Variants in LHFPL3 observed in about 807,000 individuals in gnomAD.
LHFPL3 encodes the protein LHFPL tetraspan subfamily member 3.
LHFPL3 carries 5 observed loss-of-function variants against 19.3 expected under a neutral mutation model. That is an observed-to-expected ratio of 0.26 (90% CI 0.14 to 0.54). LHFPL3 has a LOEUF of 0.54. LHFPL3 is among the 20% of genes least tolerant of loss of function. The probability of loss-of-function intolerance (pLI) is 0.94; values close to 1 mark genes in which losing one functional copy is unlikely to be tolerated. For missense variants in LHFPL3, 249 were observed against 307.4 expected (o/e 0.81, Z 1.42); for synonymous variants, 133 against 126.2 (o/e 1.05, Z -0.36).
rs541482240 is a variant in LHFPL3, at chr7:104,837,998, G to C, written c.683-68189G>C. On this transcript the variant is annotated intron_variant, in intron 2 of 2. Transcript: ENST00000424859. ...CAAACAATTATAACCTTGTTAACCA[G>C]AAGTCTTACCCACTCTACTTAGACT... 6.6e-5 allele frequency among the ~76,000 whole-genome samples: 10 copies of C among 152,252 alleles called. No homozygotes were observed. In the South Asian group the frequency reaches 1.9e-3, roughly 28 times the overall value.
At chr7:104,361,473 CT>C (rs1790390401) in intron 1 of LHFPL3, among the ~76,000 whole-genome samples, 1 of 152,094 alleles carries the variant, frequency 6.6e-6, no homozygotes, top group Non-Finnish European at 1.5e-5. Context: ...TTCTAAATTG[CT>C]TTTGAACTTT....
chr7:104,552,901 A>G, intron 1 of LHFPL3, among the ~76,000 whole-genome samples: 1 of 152,096 alleles, frequency 6.6e-6, no homozygotes, highest in East Asian at 1.9e-4. Flanking sequence ...TCTGCCTTTT[A>G]CTAGTTGTGT....
At chr7:104,645,654 CTTT>C (rs869151153) in intron 1 of LHFPL3, among the ~76,000 whole-genome samples, 3 of 81,618 alleles carry the variant, frequency 3.7e-5, no homozygotes, top group African/African-American at 5.1e-5. Flanking sequence ...ATTGGGTTTT[CTTT>C]TTTTTTTTTT....
chr7:104,583,559 C>T (rs4730024), intron 1 of LHFPL3, among the ~76,000 whole-genome samples: 20,413 of 152,188 alleles, frequency 0.13, 1,429 homozygotes, highest in Non-Finnish European at 0.14. Context: ...GCAACCTACT[C>T]ATCTGACAAA....
At chr7:104,664,426 T>A (rs1328838310) in intron 1 of LHFPL3, among the ~76,000 whole-genome samples, 1 of 152,228 alleles carries the variant, frequency 6.6e-6, no homozygotes, top group East Asian at 1.9e-4. Context: ...TTCTTTCTCA[T>A]TCTTTCAGGT....
intron 1 of LHFPL3, among the ~76,000 whole-genome samples, chr7:104,520,148 T>C (rs1461992818): frequency 4.6e-5 from 7 of 152,206 alleles, no homozygotes; most frequent in Non-Finnish European, 1.0e-4. Context: ...TGAGAGTTTT[T>C]AGCATGAAGG....
At chr7:104,389,846 T>C (rs1182376306) in intron 1 of LHFPL3, among the ~76,000 whole-genome samples, 1 of 152,134 alleles carries the variant, frequency 6.6e-6, no homozygotes, top group Non-Finnish European at 1.5e-5. Context: ...ACCTACCTCA[T>C]ACCATATATA....
intron 1 of LHFPL3, among the ~76,000 whole-genome samples, chr7:104,608,067 C>A (rs1307464145): frequency 6.6e-6 from 1 of 152,126 alleles, no homozygotes; most frequent in African/African-American, 2.4e-5. Flanking sequence ...ACTAGTTCAA[C>A]CATTGTGGAA....
At chr7:104,401,326 T>G (rs1202194385) in intron 1 of LHFPL3, among the ~76,000 whole-genome samples, 1 of 152,238 alleles carries the variant, frequency 6.6e-6, no homozygotes, top group African/African-American at 2.4e-5. Context: ...TTTTAAAGGC[T>G]ATAGCTGACC....
rs573986215 is a variant in LHFPL3 at position 104,563,537 on chromosome 7, C to T, written c.446-173138C>T. Among the ~76,000 whole-genome samples the T allele has an allele frequency of 2.0e-3, 274 of 135,188 alleles. 2 individuals carry two copies. Among genetic ancestry groups the T allele is most frequent in the African/African-American group, 6.6e-3 (238 of 36,332 alleles). 88.7% of individuals were successfully genotyped at this position (135,188 alleles called of 152,430 possible). On this transcript the variant is annotated intron_variant, in intron 1 of 2. Coordinates refer to ENST00000424859, the MANE Select transcript of LHFPL3 (RefSeq NM_199000.3). ...AGGGAGGCAATGCCTCGCCCTGCTT[C>T]GGCTCGCGCACGGTGCACGCACCCA...
intron 1 of LHFPL3, among the ~76,000 whole-genome samples, chr7:104,557,836 A>G (rs956700777): frequency 1.1e-4 from 10 of 91,942 alleles, no homozygotes; most frequent in African/African-American, 4.2e-4. Flanking sequence ...CACTCCCCCC[A>G]CCCCACCACA....
intron 1 of LHFPL3, among the ~76,000 whole-genome samples, chr7:104,543,595 A>T (rs1381814647): frequency 6.6e-6 from 1 of 151,834 alleles, no homozygotes; most frequent in Non-Finnish European, 1.5e-5. Context: ...TAAAAAATGA[A>T]GAGTTCATGT....
chr7:104,767,654 T>C (rs1411958954), intron 2 of LHFPL3, among the ~76,000 whole-genome samples: 1 of 152,148 alleles, frequency 6.6e-6, no homozygotes, highest in African/African-American at 2.4e-5. Context: ...TTAAACCCAA[T>C]CTTGCAACTT....
chr7:104,854,461 A>T (rs1056805448), intron 2 of LHFPL3, among the ~76,000 whole-genome samples: 1 of 152,224 alleles, frequency 6.6e-6, no homozygotes, highest in African/African-American at 2.4e-5. Flanking sequence ...CAAAATAATC[A>T]GCTCAAAATT....
intron 1 of LHFPL3, among the ~76,000 whole-genome samples, chr7:104,420,123 C>G (rs1791698174): frequency 6.6e-6 from 1 of 152,198 alleles, no homozygotes; most frequent in Non-Finnish European, 1.5e-5. Context: ...TTGGCCAAGC[C>G]TTACTAGTCC....
At chr7:104,479,254 G>C (rs570871689) in intron 1 of LHFPL3, among the ~76,000 whole-genome samples, 1 of 152,234 alleles carries the variant, frequency 6.6e-6, no homozygotes, top group African/African-American at 2.4e-5. Context: ...ACTTTCATAG[G>C]ATTTATTGTT....
intron 1 of LHFPL3, among the ~76,000 whole-genome samples, chr7:104,378,178 G>C (rs1053139157): frequency 6.6e-6 from 1 of 152,130 alleles, no homozygotes; most frequent in African/African-American, 2.4e-5. Flanking sequence ...CCTTAATACA[G>C]GTATACAATA....
At chr7:104,804,616 T>G (rs190432801) in intron 2 of LHFPL3, among the ~76,000 whole-genome samples, 5 of 152,338 alleles carry the variant, frequency 3.3e-5, no homozygotes, top group Admixed American at 1.3e-4. Flanking sequence ...TATTGCCTTC[T>G]CAGCTTGCAT....
chr7:104,832,242 G>T lies in LHFPL3; in HGVS notation c.683-73945G>T, dbSNP rs190039634. Among the ~76,000 whole-genome samples the T allele has an allele frequency of 3.9e-5, 6 of 152,038 alleles. 1 individual carries two copies. Among genetic ancestry groups the T allele is most frequent in the African/African-American group, 9.7e-5 (4 of 41,338 alleles). ...CTTTATGGTGGAAAAATCTAAAGTTGGTTGGGTTGTCTATCAATCATTCTA... is the reference window on the plus strand; with the variant it reads ...CTTTATGGTGGAAAAATCTAAAGTTTGTTGGGTTGTCTATCAATCATTCTA... On this transcript the variant is annotated intron_variant, in intron 2 of 2. Transcript: ENST00000424859.
Sources: allele counts gnomAD v4.1 joint callset (sites outside exome capture counted in the v4.1 genomes callset), GRCh38; gene constraint gnomAD v4.1.1; transcripts MANE v1.5; gene names NCBI Gene and HGNC (gene_info 2026-07-23, HGNC 2026-07-21).